The following RTL4 variants were observed in gnomAD, a reference collection of about 807,000 sequenced individuals.
RTL4 encodes retrotransposon Gag-like protein 4.
RTL4 carries 4 observed loss-of-function variants against 5.3 expected under a neutral mutation model. The observed-to-expected ratio is 0.75, with a 90% CI of 0.37 to 1.72. The LOEUF is 1.72. Ranked by LOEUF, RTL4 falls within the 40% of genes most tolerant of loss-of-function variation. RTL4 has a pLI of 0.04. For synonymous variants in RTL4, 98 were observed against 87.3 expected (o/e 1.12, Z -0.68); for missense variants, 260 against 227.1 (o/e 1.14, Z -0.93).
chrX:112,353,978 A>G, the RTL4 span, among the ~76,000 whole-genome samples: 1 of 111,600 alleles, frequency 9.0e-6, no homozygotes, highest in African/African-American at 3.3e-5. Flanking sequence ...AGTCATTTTC[A>G]TGGTTCTGAC....
the RTL4 span, among the ~76,000 whole-genome samples, chrX:112,439,792 T>C: frequency 0.48 from 53,149 of 109,930 alleles, 9,808 homozygotes; most frequent in African/African-American, 0.65. Flanking sequence ...TCTCTTGCTC[T>C]CTCTCTTTCC....
chrX:112,296,318 T>C, the RTL4 span, among the ~76,000 whole-genome samples: 2 of 111,817 alleles, frequency 1.8e-5, no homozygotes, highest in Non-Finnish European at 3.8e-5. Flanking sequence ...TTAATGTGGG[T>C]TTTCAAAGAC....
the RTL4 span, among the ~76,000 whole-genome samples, chrX:112,329,077 C>T: frequency 1.3e-4 from 14 of 109,887 alleles, no homozygotes; most frequent in African/African-American, 4.3e-4. Flanking sequence ...AAATTGACAC[C>T]CTAACATCAC....
At chrX:112,119,759 T>C in the RTL4 span, among the ~76,000 whole-genome samples, 2 of 111,728 alleles carry the variant, frequency 1.8e-5, no homozygotes, top group East Asian at 5.6e-4. Flanking sequence ...CTGTTGTTTG[T>C]AATGGGAAAG....
the RTL4 span, among the ~76,000 whole-genome samples, chrX:112,389,332 C>CAA: frequency 0.034 from 3,059 of 89,198 alleles, 157 homozygotes; most frequent in African/African-American, 0.11. Flanking sequence ...TTAATTTTCT[C>CAA]AAAAAAAAAA....
chrX:112,234,939 T>G, the RTL4 span, among the ~76,000 whole-genome samples: 1 of 111,558 alleles, frequency 9.0e-6, no homozygotes, highest in East Asian at 2.8e-4. Context: ...CCTTGAGGTT[T>G]GGCTAGTATT....
chrX:112,393,264 C>T, the RTL4 span, among the ~76,000 whole-genome samples: 2 of 106,293 alleles, frequency 1.9e-5, no homozygotes, highest in African/African-American at 3.4e-5. Flanking sequence ...ACCTCCGCCT[C>T]CCGGGTTCAC....
chrX:112,239,071 A>G, the RTL4 span, among the ~76,000 whole-genome samples: 2 of 111,442 alleles, frequency 1.8e-5, no homozygotes, highest in African/African-American at 6.5e-5. Context: ...TCCCACTAAG[A>G]TGGTATTGAT....
At chrX:112,328,290 C>G in the RTL4 span, among the ~76,000 whole-genome samples, 1 of 109,796 alleles carries the variant, frequency 9.1e-6, no homozygotes, top group South Asian at 4.0e-4. Flanking sequence ...CACATAGGCT[C>G]AAAATAAAAG....
the RTL4 span, among the ~76,000 whole-genome samples, chrX:112,285,195 T>C: frequency 1.8e-5 from 2 of 111,899 alleles, no homozygotes; most frequent in African/African-American, 3.2e-5. Flanking sequence ...TAGTTTGTTC[T>C]AGGATGTTTC....
chrX:112,217,785 C>T, the RTL4 span, among the ~76,000 whole-genome samples: 1 of 111,551 alleles, frequency 9.0e-6, no homozygotes, highest in Non-Finnish European at 1.9e-5. Flanking sequence ...TTGAGCAGAG[C>T]CCCTGAATGA....
exon 1 of RTL4, chrX:112,457,070 A>G (rs1169708771): frequency 1.6e-5 from 2 of 123,341 alleles, no homozygotes; most frequent in Non-Finnish European, 3.8e-5. Flanking sequence ...GATATCCTGG[A>G]GAAATATCAG....
the RTL4 span, among the ~76,000 whole-genome samples, chrX:112,403,039 C>G: frequency 9.0e-6 from 1 of 111,632 alleles, no homozygotes; most frequent in African/African-American, 3.3e-5. Flanking sequence ...ACACTTTGCC[C>G]TGTTAAACTC....
the RTL4 span, among the ~76,000 whole-genome samples, chrX:112,389,874 C>A: frequency 2.8e-5 from 3 of 105,484 alleles, no homozygotes; most frequent in African/African-American, 1.0e-4. Context: ...AATGTATAAT[C>A]TGTTGTTTTG....
the RTL4 span, among the ~76,000 whole-genome samples, chrX:112,374,731 T>A: frequency 8.9e-6 from 1 of 112,170 alleles, no homozygotes; most frequent in Admixed American, 9.4e-5. Flanking sequence ...TATGGTGAAG[T>A]GGAAACAGTG....
At chrX:112,175,330 A>G in the RTL4 span, among the ~76,000 whole-genome samples, 2 of 100,339 alleles carry the variant, frequency 2.0e-5, no homozygotes, top group Admixed American at 1.1e-4. Flanking sequence ...CATTTATTAA[A>G]TAGGGAATCC....
At chrX:112,177,148 T>C in the RTL4 span, among the ~76,000 whole-genome samples, 19 of 110,896 alleles carry the variant, frequency 1.7e-4, no homozygotes, top group African/African-American at 6.2e-4. Flanking sequence ...GCAATAAACA[T>C]GGGAGTACAG....
chrX:112,327,680 G>A, the RTL4 span, among the ~76,000 whole-genome samples: 20 of 110,141 alleles, frequency 1.8e-4, no homozygotes, highest in Admixed American at 1.9e-3. Context: ...TCCTCGAGAA[G>A]AGGAACTCCA....
the RTL4 span, among the ~76,000 whole-genome samples, chrX:112,087,913 A>C: frequency 9.0e-6 from 1 of 111,461 alleles, no homozygotes; most frequent in Non-Finnish European, 1.9e-5. Flanking sequence ...ACATAAAATT[A>C]ATCATCTTAA....
Sources: allele counts gnomAD v4.1 joint callset (sites outside exome capture counted in the v4.1 genomes callset), GRCh38; gene constraint gnomAD v4.1.1; transcripts MANE v1.5; gene names NCBI Gene and HGNC (gene_info 2026-07-23, HGNC 2026-07-21).